The following EFCAB6 variants were observed in gnomAD, a reference collection of about 807,000 sequenced individuals.
The protein encoded by EFCAB6 is EF-hand calcium binding domain 6.
Under a neutral mutation model 169.8 loss-of-function variants are expected in EFCAB6, and 156 were observed. The observed-to-expected ratio is 0.92, with a 90% CI of 0.81 to 1.05. The LOEUF is 1.05. Among genes scored for constraint, EFCAB6 ranks in the 50% least tolerant of loss-of-function variants. The probability of loss-of-function intolerance (pLI) is 0.00; values close to 1 mark genes in which losing one functional copy is unlikely to be tolerated. For synonymous variants in EFCAB6, 698 were observed against 676.4 expected (o/e 1.03, Z -0.50); for missense variants, 1,800 against 1,829.1 (o/e 0.98, Z 0.29).
rs184329599 is a variant in EFCAB6, at chr22:43,784,281, A to G, written c.-7-1956T>C. Among the ~76,000 whole-genome samples the G allele has an allele frequency of 4.2e-3, 640 of 152,152 alleles. 2 individuals are homozygous for G. Among genetic ancestry groups the G allele is most frequent in the Middle Eastern group, 0.027 (8 of 294 alleles). On this transcript the variant is annotated intron_variant, in intron 2 of 31. Transcript: ENST00000262726. ...TCAAAAGTGGATGTGGATGAGAAATACTTCCCTGAGCAAACAAAAATTGAG... is the reference window on the plus strand; with the variant it reads ...TCAAAAGTGGATGTGGATGAGAAATGCTTCCCTGAGCAAACAAAAATTGAG...
intron 5 of EFCAB6, among the ~76,000 whole-genome samples, chr22:43,761,570 T>C (rs1287182450): frequency 6.6e-6 from 1 of 152,272 alleles, no homozygotes; most frequent in African/African-American, 2.4e-5. Flanking sequence ...TTTGCATTCA[T>C]ATTTTGAATC....
intron 17 of EFCAB6, among the ~76,000 whole-genome samples, chr22:43,638,354 C>G (rs751870628): frequency 1.3e-5 from 2 of 152,194 alleles, no homozygotes; most frequent in African/African-American, 2.4e-5. Context: ...AGGCATTCCC[C>G]TAAGAAAGTT....
intron 6 of EFCAB6, among the ~76,000 whole-genome samples, chr22:43,746,182 T>A (rs1000548135): frequency 6.6e-6 from 1 of 152,230 alleles, no homozygotes; most frequent in Non-Finnish European, 1.5e-5. Flanking sequence ...TCCCTGCCTC[T>A]GGGCTGATGC....
Position 43,687,595 on chromosome 22 carries a change from T to A in EFCAB6, c.1032-14A>T, listed in dbSNP as rs778984039. ...TTAAGTCCAAATCTGGATTTAAAAG[T>A]AACAACAAAAAACATTACTTTAAAC... is the stretch of plus-strand genomic sequence containing the variant. On this transcript the variant is annotated splice_polypyrimidine_tract_variant and intron_variant, in intron 10 of 31. Transcript: ENST00000262726. 6.7e-7 allele frequency: 1 copy of A among 1,502,754 alleles called. No individual in the cohort carries two copies. Among genetic ancestry groups the A allele is most frequent in the Admixed American group, 1.9e-5 (1 of 53,122 alleles). The allele number at this position is 1,502,754 out of a possible 1,614,324, so 93.1% of individuals were successfully genotyped here.
chr22:43,583,082 T>C (rs192637298), intron 24 of EFCAB6, among the ~76,000 whole-genome samples: 20 of 150,506 alleles, frequency 1.3e-4, no homozygotes, highest in Admixed American at 1.1e-3. Flanking sequence ...TTAGTTAAGC[T>C]ACTCTCTTTT....
At chr22:43,716,713 G>T in intron 9 of EFCAB6, 135 bp downstream of exon 9, 1 of 1,000,542 alleles carries the variant, frequency 1.0e-6, no homozygotes, top group Non-Finnish European at 1.4e-6. Context: ...AGGTAGAGGG[G>T]GTCTCAGTAT....
At chr22:43,534,644 C>G (rs59711886) in intron 30 of EFCAB6, 44 bp downstream of exon 30, 61,786 of 1,540,778 alleles carry the variant, frequency 0.04, 1,372 homozygotes, top group South Asian at 0.042. Context: ...ATGAAAGCGC[C>G]CCTTTCCACC....
chr22:43,540,247 A>T lies in EFCAB6; in HGVS notation c.3759T>A (p.Gly1253=). ...SETAATPMAT[G]DSAVAQRGSS... Reference sequence around the variant, plus strand: ...TCCCTCTCTGGGCCACGGCCGAGTCACCAGTGGCCATTGGTGTGGCTGCTG... The same window carrying T: ...TCCCTCTCTGGGCCACGGCCGAGTCTCCAGTGGCCATTGGTGTGGCTGCTG... Residue 1253 remains glycine, a synonymous_variant, in exon 28 of 32, where the codon GGT becomes GGA. Transcript: ENST00000262726. The T allele has an allele frequency of 6.2e-7, 1 of 1,614,212 alleles. No individual in the cohort carries two copies. Among genetic ancestry groups the T allele is most frequent in the Non-Finnish European group, 8.5e-7 (1 of 1,180,024 alleles).
At position 43,795,226 on chromosome 22, in the gene EFCAB6, G is replaced by A. The variant is rs987677339; in HGVS notation, c.-7-12901C>T. ...AAAATATGTAGAAATATCAGAACAC[G>A]TTTAGGACAATGTCAAGAGAACAAG... is the stretch of plus-strand genomic sequence containing the variant. On this transcript the variant is annotated intron_variant, in intron 2 of 31. Coordinates refer to ENST00000262726, the MANE Select transcript of EFCAB6 (RefSeq NM_022785.4). The surrounding 1 kb of genome is among the most constrained non-coding windows in gnomAD (Gnocchi z 4.2). 1.3e-5 allele frequency among the ~76,000 whole-genome samples: 2 copies of A among 152,152 alleles called. No individual in the cohort carries two copies. Among genetic ancestry groups the A allele is most frequent in the South Asian group, 2.1e-4 (1 of 4,834 alleles).
intron 5 of EFCAB6, among the ~76,000 whole-genome samples, chr22:43,757,221 T>C (rs993169956): frequency 2.0e-5 from 3 of 152,188 alleles, no homozygotes; most frequent in Admixed American, 1.3e-4. Context: ...ATATATTCAA[T>C]AGATACAAAA....
chr22:43,625,279 G>A (rs2054420708), intron 20 of EFCAB6, among the ~76,000 whole-genome samples: 1 of 152,044 alleles, frequency 6.6e-6, no homozygotes, highest in Non-Finnish European at 1.5e-5. Flanking sequence ...AGAACCCCTG[G>A]GGACCGTGAG....
At chr22:43,801,225 A>T (rs1027701048) in intron 2 of EFCAB6, among the ~76,000 whole-genome samples, 2 of 152,212 alleles carry the variant, frequency 1.3e-5, no homozygotes, top group African/African-American at 4.8e-5. Flanking sequence ...AGAATATTAT[A>T]TCCAGCAAAG....
At chr22:43,645,113 C>A (rs557330609) in intron 17 of EFCAB6, among the ~76,000 whole-genome samples, 1 of 152,152 alleles carries the variant, frequency 6.6e-6, no homozygotes, top group Non-Finnish European at 1.5e-5. Context: ...GTATCACATA[C>A]GGAGGTCTTG....
chr22:43,579,013 T>C (rs1308307443), intron 25 of EFCAB6, among the ~76,000 whole-genome samples: 1 of 149,268 alleles, frequency 6.7e-6, no homozygotes, highest in Non-Finnish European at 1.5e-5. Context: ...CACGCAGGCA[T>C]CATACCCTAC....
intron 23 of EFCAB6, among the ~76,000 whole-genome samples, chr22:43,596,560 C>CA (rs2052024416): frequency 6.6e-6 from 1 of 151,918 alleles, no homozygotes; most frequent in Non-Finnish European, 1.5e-5. Context: ...AAGAGCTATA[C>CA]AAAGAAAACT....
chr22:43,603,158 G>A (rs1039949932), intron 22 of EFCAB6, among the ~76,000 whole-genome samples: 4 of 152,150 alleles, frequency 2.6e-5, no homozygotes, highest in Non-Finnish European at 5.9e-5. Flanking sequence ...CATGACACTT[G>A]AACTGAATGA....
At chr22:43,605,315 C>A (rs1190324868) in intron 22 of EFCAB6, among the ~76,000 whole-genome samples, 1 of 152,060 alleles carries the variant, frequency 6.6e-6, no homozygotes, top group Non-Finnish European at 1.5e-5. Context: ...CAAAACTGAC[C>A]CCTTCCTTGC....
intron 26 of EFCAB6, among the ~76,000 whole-genome samples, chr22:43,564,937 C>T (rs562740242): frequency 3.9e-5 from 6 of 152,298 alleles, no homozygotes; most frequent in Admixed American, 3.9e-4. Flanking sequence ...AGTGCACGTG[C>T]GTTTGCTTTC....
chr22:43,579,379 C>T (rs570586082), intron 25 of EFCAB6, among the ~76,000 whole-genome samples: 121 of 151,604 alleles, frequency 8.0e-4, no homozygotes, highest in African/African-American at 2.8e-3. Flanking sequence ...GGCATCATTC[C>T]CTACACGCAG....
Sources: gnomAD v4.1 joint callset for allele counts (sites outside exome capture counted in the v4.1 genomes callset) on GRCh38, gnomAD v4.1.1 for gene constraint, Gnocchi (gnomAD v3.1) non-coding constraint, MANE v1.5 for transcripts, NCBI Gene and HGNC (gene_info 2026-07-23, HGNC 2026-07-21) for gene names.